PPP2R2D: variants seen among roughly 807,000 people sequenced by gnomAD.
PPP2R2D encodes protein phosphatase 2 regulatory subunit Bdelta.
PPP2R2D carries 9 observed loss-of-function variants against 31.1 expected under a neutral mutation model. The observed-to-expected ratio is 0.29, with a 90% CI of 0.17 to 0.51. The LOEUF is 0.51. PPP2R2D is among the 20% of genes least tolerant of loss of function. PPP2R2D has a pLI of 0.98. For synonymous variants in PPP2R2D, 179 were observed against 172.6 expected, an observed-to-expected ratio of 1.04 and a Z score of -0.29; for missense variants, 391 against 465.6, an observed-to-expected ratio of 0.84 and a Z score of 1.48.
In PPP2R2D at chr10:131,917,865, G is replaced by A. The variant is rs373533549; in HGVS notation, c.100+16535G>A. ...CACAGTGTTTGTAGGGACCTCACAC[G>A]GGTGGAATGACACAGTGTTTGCAGG... On this transcript the variant is annotated intron_variant, in intron 2 of 8. Coordinates refer to ENST00000455566, the MANE Select transcript of PPP2R2D (RefSeq NM_018461.5). Among the ~76,000 whole-genome samples the A allele has an allele frequency of 8.6e-5, 11 of 127,300 alleles. No homozygotes were observed. The East Asian group carries it at 1.0e-3, about 12-fold the overall frequency. 83.5% of individuals were successfully genotyped at this position (127,300 alleles called of 152,430 possible). A position where few individuals can be genotyped will look rare whatever the true frequency, so the allele number is the denominator to read the frequency against.
At chr10:131,948,595 G>A (rs1554898387) in intron 8 of PPP2R2D, among the ~76,000 whole-genome samples, 1 of 152,184 alleles carries the variant, frequency 6.6e-6, no homozygotes, top group Non-Finnish European at 1.5e-5. Context: ...CAGAAACTAA[G>A]AGGGAGCTGA....
At chr10:131,923,545 A>G (rs1554894527) in intron 2 of PPP2R2D, among the ~76,000 whole-genome samples, 1 of 152,174 alleles carries the variant, frequency 6.6e-6, no homozygotes, top group Non-Finnish European at 1.5e-5. Flanking sequence ...GGTGGCTGCA[A>G]CATTTTGTAA....
At chr10:131,902,934 G>A (rs2035524579) in intron 2 of PPP2R2D, among the ~76,000 whole-genome samples, 4 of 151,912 alleles carry the variant, frequency 2.6e-5, no homozygotes. Flanking sequence ...TTTTTGTATT[G>A]TTGTAGGGGA....
chr10:131,954,265 G>A (rs1379458859), intron 8 of PPP2R2D, among the ~76,000 whole-genome samples: 1 of 152,260 alleles, frequency 6.6e-6, no homozygotes, highest in Admixed American at 6.5e-5. Context: ...TTATTACCAT[G>A]CACCAGCAAT....
chr10:131,902,524 G>A (rs1342358150), intron 2 of PPP2R2D, among the ~76,000 whole-genome samples: 1 of 152,116 alleles, frequency 6.6e-6, no homozygotes, highest in Non-Finnish European at 1.5e-5. Context: ...TAAGAAATGC[G>A]TAATATATAT....
chr10:131,970,667 C>T, the PPP2R2D span: 2 of 1,614,048 alleles, frequency 1.2e-6, no homozygotes, highest in Non-Finnish European at 1.7e-6. The surrounding 1 kb of genome is among the most constrained non-coding windows in gnomAD (Gnocchi z 4.1). Flanking sequence ...AATGAGAGAG[C>T]AGCAGAGATG....
chr10:131,934,956 C>T (rs1397562761), intron 3 of PPP2R2D: 2 of 456,204 alleles, frequency 4.4e-6, no homozygotes. Flanking sequence ...TCAGCACTTC[C>T]TGCAGAGAAG....
rs1554899835 is a variant in PPP2R2D, at chr10:131,955,821, G to A, written c.1220G>A (p.Gly407Asp). 3 of 1,609,902 alleles carry A rather than the reference G, an allele frequency of 1.9e-6. No homozygotes were observed. The highest frequency in any genetic ancestry group is 1.1e-5 in the South Asian group (1 of 90,382). The part of the protein sequence containing the change: ...SLKPRKVCTG[G>D]KRRKDEISVD... ...AAACCCCGGAAGGTGTGTACGGGGGGTAAGCGGAGGAAAGACGAGATCAGT... is the reference window on the plus strand; with the variant it reads ...AAACCCCGGAAGGTGTGTACGGGGGATAAGCGGAGGAAAGACGAGATCAGT... Residue 407 changes from glycine (G) to aspartate (D), a missense_variant, in exon 9 of 9, where the codon GGT becomes GAT. Gly to Asp is a moderately conservative substitution (Grantham distance 94). Coordinates refer to ENST00000455566, the MANE Select transcript of PPP2R2D (RefSeq NM_018461.5).
downstream of PPP2R2D, among the ~76,000 whole-genome samples, chr10:131,961,414 G>A (rs187888071): frequency 1.5e-3 from 225 of 152,116 alleles, no homozygotes; most frequent in African/African-American, 5.2e-3. Flanking sequence ...TGCTGTGGGT[G>A]GCAACCCCTC....
chr10:131,902,407 C>T (rs961030056), intron 2 of PPP2R2D, among the ~76,000 whole-genome samples: 3 of 152,154 alleles, frequency 2.0e-5, no homozygotes, highest in African/African-American at 4.8e-5. Flanking sequence ...CCCTGTACCT[C>T]TCCCTGGCAG....
At chr10:131,968,330 T>A in the PPP2R2D span, 4 of 507,138 alleles carry the variant, frequency 7.9e-6, no homozygotes, top group South Asian at 2.9e-5. Flanking sequence ...TGCTTATTGA[T>A]CCCATAGGTG....
chr10:131,942,404 A>C (rs1589953604), intron 5 of PPP2R2D, among the ~76,000 whole-genome samples: 1 of 152,384 alleles, frequency 6.6e-6, no homozygotes, highest in East Asian at 1.9e-4. Context: ...GACCACAGAC[A>C]GGTAATTCTG....
At chr10:131,905,819 C>CACAG (rs1360590633) in intron 2 of PPP2R2D, among the ~76,000 whole-genome samples, 1 of 152,242 alleles carries the variant, frequency 6.6e-6, no homozygotes, top group African/African-American at 2.4e-5. Flanking sequence ...TTGCAGCCAG[C>CACAG]ACAGTACTGA....
At chr10:131,921,442 A>G (rs2035986695) in intron 2 of PPP2R2D, among the ~76,000 whole-genome samples, 1 of 152,166 alleles carries the variant, frequency 6.6e-6, no homozygotes, top group South Asian at 2.1e-4. Flanking sequence ...TCCCTGAACA[A>G]GGAACCCTTG....
chr10:131,928,885 CAAG>C (rs1433849528), intron 2 of PPP2R2D, among the ~76,000 whole-genome samples: 2 of 152,102 alleles, frequency 1.3e-5, no homozygotes, highest in Non-Finnish European at 2.9e-5. Flanking sequence ...TCTCTCGGGA[CAAG>C]AAGAGCTGAG....
chr10:131,934,524 G>T lies in PPP2R2D; in HGVS notation c.167G>T (p.Gly56Val). Reference protein sequence around the residue: ...GDLLATGDKGGRVVIFQREQE... With the variant: ...GDLLATGDKGVRVVIFQREQE... ...CTTCTTGCAACAGGAGACAAGGGCG[G>T]CAGAGTTGTTATTTTTCAGCGTGAA... Residue 56 changes from glycine to valine, a missense_variant, in exon 3 of 9, where the codon GGC becomes GTC. Gly to Val is a moderately radical substitution (Grantham distance 109, BLOSUM62 -3). Transcript: ENST00000455566. 1 of 780,134 alleles carries T rather than the reference G, an allele frequency of 1.3e-6. No individual in the cohort carries two copies. Among genetic ancestry groups the T allele is most frequent in the South Asian group, 1.3e-5 (1 of 74,298 alleles). 48.3% of individuals were successfully genotyped at this position (780,134 alleles called of 1,614,324 possible).
intron 2 of PPP2R2D, among the ~76,000 whole-genome samples, chr10:131,920,607 G>A (rs782486813): frequency 1.8e-4 from 27 of 152,208 alleles, no homozygotes; most frequent in Non-Finnish European, 3.2e-4. Flanking sequence ...GATGTAGGAG[G>A]TACGTTTCTA....
rs950523854 is a variant in PPP2R2D, at chr10:131,909,733, C to A, written c.100+8403C>A. Among the ~76,000 whole-genome samples the A allele has an allele frequency of 4.4e-3, 675 of 152,316 alleles. 3 individuals are homozygous for A. Among genetic ancestry groups the A allele is most frequent in the African/African-American group, 0.015 (615 of 41,552 alleles). ...CTTTTGGTGCTGGAATAATTTTATA[C>A]TCTTAATAGTTATATTGAGGATCCA... On this transcript the variant is annotated intron_variant, in intron 2 of 8. Coordinates refer to ENST00000455566, the MANE Select transcript of PPP2R2D (RefSeq NM_018461.5).
rs1450934630 is a variant in PPP2R2D at position 131,945,731 on chromosome 10, G to A, written c.820+272G>A. The A allele has an allele frequency of 7.8e-6, 3 of 385,438 alleles. No individual in the cohort carries two copies. In the Admixed American group the frequency reaches 1.3e-4, roughly 16 times the overall value. 23.9% of individuals were successfully genotyped at this position (385,438 alleles called of 1,614,324 possible). On this transcript the variant is annotated intron_variant, in intron 7 of 8. Transcript: ENST00000455566. The surrounding 1 kb of genome is among the most constrained non-coding windows in gnomAD (Gnocchi z 4.8). ...CTCCCAAAGTGCTGGGATTACAGGT[G>A]TGAGTCACCGCACCTGGTCACGCCT...
Sources: gnomAD v4.1 joint callset for allele counts (sites outside exome capture counted in the v4.1 genomes callset) on GRCh38, gnomAD v4.1.1 for gene constraint, Gnocchi (gnomAD v3.1) non-coding constraint, MANE v1.5 for transcripts, NCBI Gene and HGNC (gene_info 2026-07-23, HGNC 2026-07-21) for gene names.